Variants in SOD2 observed in about 807,000 individuals in gnomAD.
SOD2 encodes superoxide dismutase [Mn], mitochondrial.
Under a neutral mutation model 27.0 loss-of-function variants are expected in SOD2, and 11 were observed. That is an observed-to-expected ratio of 0.41 (90% confidence interval 0.26 to 0.67). SOD2 has a LOEUF of 0.67. Ranked by LOEUF, SOD2 falls within the 30% of genes least tolerant of loss-of-function variation. SOD2 has a pLI of 0.34. For synonymous variants in SOD2, 105 were observed against 103.0 expected (o/e 1.02, Z -0.12); for missense variants, 250 against 274.5 (o/e 0.91, Z 0.63).
intron 1 of SOD2, among the ~76,000 whole-genome samples, chr6:159,738,635 A>T (rs2842975): frequency 0.47 from 70,949 of 152,066 alleles, 18,611 homozygotes; most frequent in Non-Finnish European, 0.58. Flanking sequence ...AGGAACTGCC[A>T]TACTTCTTCA....
At chr6:159,745,612 A>C (rs1457589297), upstream of SOD2, among the ~76,000 whole-genome samples, 1 of 152,144 alleles carries the variant, frequency 6.6e-6, no homozygotes, top group East Asian at 1.9e-4. Context: ...GGTGAGAGTG[A>C]AAAAAGATGA....
intron 1 of SOD2, among the ~76,000 whole-genome samples, chr6:159,712,230 C>T (rs531932449): frequency 2.4e-5 from 3 of 127,492 alleles, no homozygotes; most frequent in African/African-American, 8.3e-5. Context: ...ATAACCACCA[C>T]TCACATTGCT....
At chr6:159,683,711 T>C (rs1322044003) in intron 4 of SOD2, among the ~76,000 whole-genome samples, 1 of 152,146 alleles carries the variant, frequency 6.6e-6, no homozygotes, top group African/African-American at 2.4e-5. Flanking sequence ...GGGACTCACT[T>C]ACAAATATCA....
At chr6:159,736,921 A>G (rs931434359) in intron 1 of SOD2, among the ~76,000 whole-genome samples, 1 of 152,232 alleles carries the variant, frequency 6.6e-6, no homozygotes, top group Non-Finnish European at 1.5e-5. Flanking sequence ...ACTAAACTTA[A>G]TATTTAAGTG....
At chr6:159,692,984 C>A in intron 1 of SOD2, 121 bp from the exon 2 acceptor site, 4 of 1,347,766 alleles carry the variant, frequency 3.0e-6, no homozygotes, top group Non-Finnish European at 3.9e-6. Context: ...CCCTGCGGAT[C>A]CCCGCTCCAG....
At chr6:159,723,298 A>C (rs1356902211) in intron 1 of SOD2, among the ~76,000 whole-genome samples, 2 of 152,112 alleles carry the variant, frequency 1.3e-5, no homozygotes, top group African/African-American at 4.8e-5. Context: ...ATCACCCCCA[A>C]AAGTTCTCCC....
In SOD2 at chr6:159,743,512, C is replaced by T. The variant is rs192848052; in HGVS notation, c.-116+1618G>A. 2.2e-3 allele frequency among the ~76,000 whole-genome samples: 328 copies of T among 152,278 alleles called. 2 individuals are homozygous for T. The highest frequency in any genetic ancestry group is 4.0e-3 in the Non-Finnish European group (273 of 68,026). ...CACCATTGTCTCCTAAAGGAGCTCT[C>T]GTGACCAGGAAGAAATTCGCCTGTT... On this transcript the variant is annotated intron_variant, in intron 1 of 3. Transcript: ENST00000537657.
upstream of SOD2, among the ~76,000 whole-genome samples, chr6:159,747,706 A>C (rs1779656461): frequency 6.6e-6 from 1 of 152,176 alleles, no homozygotes; most frequent in African/African-American, 2.4e-5. Flanking sequence ...ATTAACTCTT[A>C]GGTAATTAAT....
At chr6:159,718,849 A>G (rs1562441665) in intron 1 of SOD2, among the ~76,000 whole-genome samples, 3 of 152,194 alleles carry the variant, frequency 2.0e-5, no homozygotes, top group Admixed American at 1.3e-4. Context: ...GGCAGAAAGA[A>G]TGGACTCAGC....
intron 1 of SOD2, among the ~76,000 whole-genome samples, chr6:159,744,744 CAG>C (rs369423698): frequency 2.2e-4 from 33 of 152,212 alleles, no homozygotes; most frequent in Admixed American, 8.5e-4. Flanking sequence ...TTTCTTGAGA[CAG>C]GGCCTCTCTC....
rs115193813 is a variant in SOD2 at position 159,739,229 on chromosome 6, T to A, written c.-116+5901A>T. ...TAACACCGAGGAAAACGTAACACTTTAAAGAACTACTAGGAAGCTATAAGT... is the reference window on the plus strand; with the variant it reads ...TAACACCGAGGAAAACGTAACACTTAAAAGAACTACTAGGAAGCTATAAGT... On this transcript the variant is annotated intron_variant, in intron 1 of 3. Transcript: ENST00000537657. Among the ~76,000 whole-genome samples the A allele has an allele frequency of 5.2e-3, 789 of 152,344 alleles. 5 individuals carry two copies. The highest frequency in any genetic ancestry group is 0.018 in the African/African-American group (747 of 41,584).
At chr6:159,694,208 G>C (rs373350303), upstream of SOD2, among the ~76,000 whole-genome samples, 28 of 152,196 alleles carry the variant, frequency 1.8e-4, no homozygotes, top group African/African-American at 5.3e-4. Context: ...TTGTAGCCTA[G>C]TAAGCTGTTA....
At chr6:159,727,201 G>T in exon 1 of SOD2, 1 of 1,238,886 alleles carries the variant, frequency 8.1e-7, no homozygotes, top group Admixed American at 2.8e-5. Context: ...TGTTACCGGG[G>T]AGCAGCTGCT....
At chr6:159,711,612 CACCACTCAGCTGCTCTG>C (rs1240432928) in intron 1 of SOD2, among the ~76,000 whole-genome samples, 66 of 131,178 alleles carry the variant, frequency 5.0e-4, no homozygotes, top group African/African-American at 1.1e-3. Context: ...CCTCCATAAC[CACCACTCAGCTGCTCTG>C]ACCACCATAA....
chr6:159,728,390 A>G (rs1252437509), upstream of SOD2, among the ~76,000 whole-genome samples: 1 of 151,920 alleles, frequency 6.6e-6, no homozygotes, highest in Non-Finnish European at 1.5e-5. Flanking sequence ...ATTATCAAGG[A>G]CTAGCATAAC....
chr6:159,727,164 G>T (rs960319087), exon 1 of SOD2: 5 of 1,198,428 alleles, frequency 4.2e-6, no homozygotes, highest in South Asian at 1.5e-5. Flanking sequence ...CGGAGCTCGC[G>T]CCAGGCTCCT....
chr6:159,761,820 A>G (rs1780134170), exon 1 of SOD2: 1 of 217,716 alleles, frequency 4.6e-6, no homozygotes, highest in Non-Finnish European at 9.1e-6. Context: ...GCAAGCCCAG[A>G]CCCCGGCCTC....
chr6:159,761,953 A>C, exon 1 of SOD2: 2 of 999,852 alleles, frequency 2.0e-6, no homozygotes, highest in Non-Finnish European at 1.5e-6. Flanking sequence ...ATGCGCGGGG[A>C]GGTGGTGCGC....
At chr6:159,755,559 A>G in intron 1 of SOD2, 1 of 1,614,132 alleles carries the variant, frequency 6.2e-7, no homozygotes, top group Non-Finnish European at 8.5e-7. Flanking sequence ...GGTTCCCGCC[A>G]CGTTCAGAAT....
Sources: gnomAD v4.1 joint callset for allele counts (sites outside exome capture counted in the v4.1 genomes callset) on GRCh38, gnomAD v4.1.1 for gene constraint, MANE v1.5 for transcripts, NCBI Gene and HGNC (gene_info 2026-07-23, HGNC 2026-07-21) for gene names.